IFNGR1: variants seen among roughly 807,000 people sequenced by gnomAD.
The protein encoded by IFNGR1 is interferon gamma receptor 1.
Under a neutral mutation model 35.4 loss-of-function variants are expected in IFNGR1, and 23 were observed. The observed-to-expected ratio is 0.65, with a 90% confidence interval of 0.47 to 0.92. The LOEUF (loss-of-function observed/expected upper bound fraction) is 0.92, where lower values mean the gene tolerates loss of function less well. Among genes scored for constraint, IFNGR1 ranks in the 40% least tolerant of loss-of-function variants. The probability of loss-of-function intolerance (pLI) is 0.00; values close to 1 mark genes in which losing one functional copy is unlikely to be tolerated. For synonymous variants in IFNGR1, 199 were observed against 209.5 expected, an observed-to-expected ratio of 0.95 and a Z score of 0.43; for missense variants, 533 against 583.4, an observed-to-expected ratio of 0.91 and a Z score of 0.89.
At chr6:137,202,801 TTTG>T (rs1236900008) in intron 5 of IFNGR1, among the ~76,000 whole-genome samples, 1 of 152,144 alleles carries the variant, frequency 6.6e-6, no homozygotes, top group Non-Finnish European at 1.5e-5. Context: ...TACAGATTAT[TTTG>T]TTTTCTTCTG....
chr6:137,197,843 A>T lies in IFNGR1; in HGVS notation c.*188T>A. 1.6e-6 allele frequency: 1 copy of T among 635,182 alleles called. No individual in the cohort carries two copies. Among genetic ancestry groups the T allele is most frequent in the Non-Finnish European group, 2.6e-6 (1 of 382,770 alleles). 39.3% of individuals were successfully genotyped at this position (635,182 alleles called of 1,614,324 possible). A position where few individuals can be genotyped will look rare whatever the true frequency, so the allele number is the denominator to read the frequency against. ...CTTTTTTTGTTTAAAAAAAAAAAAA[A>T]GTCTGTACTTTACAAGCCAAAAGTG... On this transcript the variant is annotated 3_prime_UTR_variant, in exon 7 of 7. Coordinates refer to ENST00000367739, the MANE Select transcript of IFNGR1 (RefSeq NM_000416.3).
Position 137,199,458 on chromosome 6 carries a change from CTTATA to C in IFNGR1, c.862-824_862-820del, listed in dbSNP as rs1235338060. Among the ~76,000 whole-genome samples the C allele has an allele frequency of 4.3e-3, 102 of 23,696 alleles. 4 individuals carry two copies. Among genetic ancestry groups the C allele is most frequent in the African/African-American group, 0.018 (89 of 4,952 alleles). The allele number at this position is 23,696 out of a possible 152,430, so 15.5% of individuals were successfully genotyped here. A position where few individuals can be genotyped will look rare whatever the true frequency, so the allele number is the denominator to read the frequency against. The stretch of plus-strand genomic sequence containing the variant: ...ATAATATAATATATAAAATATATAA[CTTATA>C]TTATATAAAATATATAATTTATAAT... On this transcript the variant is annotated intron_variant, in intron 6 of 6. Coordinates refer to ENST00000367739, the MANE Select transcript of IFNGR1 (RefSeq NM_000416.3).
chr6:137,199,332 A>T (rs1779182726), intron 6 of IFNGR1, among the ~76,000 whole-genome samples: 1 of 129,382 alleles, frequency 7.7e-6, no homozygotes, highest in Non-Finnish European at 1.6e-5. Flanking sequence ...ATAATTTATA[A>T]TATATAATAT....
rs1779421898 is a variant in IFNGR1, at chr6:137,206,142, G to A, written c.367C>T (p.Arg123Ter). ...YAKSEEFAVC[R>*]DGKIGPPKLD... ...GTGTACACATTCTACTCACCATCTC[G>A]GCATACAGCAAATTCTTCTGACTTT... The change falls in exon 3 of 7, where the codon CGA (arginine) becomes TGA (stop). Residue 123 changes from arginine (R) to a stop codon, truncating the protein, a stop_gained. Transcript: ENST00000367739. LOFTEE classifies it high-confidence loss of function. The A allele has an allele frequency of 1.9e-6, 3 of 1,613,042 alleles. No homozygotes were observed. Among genetic ancestry groups the A allele is most frequent in the Admixed American group, 1.7e-5 (1 of 59,982 alleles).
At chr6:137,210,443 C>T (rs1258327274) in intron 1 of IFNGR1, among the ~76,000 whole-genome samples, 1 of 152,130 alleles carries the variant, frequency 6.6e-6, no homozygotes, top group Non-Finnish European at 1.5e-5. Context: ...ACACAGTTAG[C>T]GATGTGACCC....
chr6:137,204,319 G>A lies in IFNGR1; in HGVS notation c.546+13C>T. ...CACAAGAATTTCCATTATGAAAAATGTGAAACACATACCTCACTTCCGTTC... is the reference window on the plus strand; with the variant it reads ...CACAAGAATTTCCATTATGAAAAATATGAAACACATACCTCACTTCCGTTC... On this transcript the variant is annotated intron_variant, in intron 4 of 6. Coordinates refer to ENST00000367739, the MANE Select transcript of IFNGR1 (RefSeq NM_000416.3). 5 of 1,609,836 alleles carry A rather than the reference G, an allele frequency of 3.1e-6. No homozygotes were observed. The highest frequency in any genetic ancestry group is 4.3e-6 in the Non-Finnish European group (5 of 1,176,168).
chr6:137,207,487 T>C (rs1779466267), intron 1 of IFNGR1, among the ~76,000 whole-genome samples: 2 of 152,186 alleles, frequency 1.3e-5, no homozygotes, highest in Admixed American at 1.3e-4. Context: ...CACCCAAATC[T>C]CAACTTGAAC....
At chr6:137,200,555 C>T (rs1562283900) in intron 6 of IFNGR1, among the ~76,000 whole-genome samples, 1 of 152,168 alleles carries the variant, frequency 6.6e-6, no homozygotes, top group Non-Finnish European at 1.5e-5. Flanking sequence ...CAAAGCTGGA[C>T]AAAGTCCTCA....
chr6:137,201,034 T>G, intron 5 of IFNGR1, 26 bp from the exon 6 acceptor site: 1 of 1,610,456 alleles, frequency 6.2e-7, no homozygotes, highest in Non-Finnish European at 8.5e-7. Flanking sequence ...AATCACAAGT[T>G]ACAATTAAGA....
intron 1 of IFNGR1, among the ~76,000 whole-genome samples, chr6:137,217,815 T>C (rs1363780910): frequency 1.3e-5 from 2 of 152,212 alleles, no homozygotes; most frequent in Admixed American, 6.5e-5. Context: ...CCACCTAACC[T>C]ATCTCCTCCC....
rs549430886 is a variant in IFNGR1, at chr6:137,211,702, G to A, written c.86-4625C>T. Reference sequence around the variant, plus strand: ...ATGGCCATTCATAGCAGGGGATACTGAGGCTTCCTTAAGAGGGTCTTTTTT... The same window carrying A: ...ATGGCCATTCATAGCAGGGGATACTAAGGCTTCCTTAAGAGGGTCTTTTTT... On this transcript the variant is annotated intron_variant, in intron 1 of 6. Coordinates refer to ENST00000367739, the MANE Select transcript of IFNGR1 (RefSeq NM_000416.3). 1.4e-4 allele frequency among the ~76,000 whole-genome samples: 21 copies of A among 152,280 alleles called. 1 individual carries two copies. The highest frequency in any genetic ancestry group is 2.6e-4 in the Non-Finnish European group (18 of 68,004).
intron 1 of IFNGR1, among the ~76,000 whole-genome samples, chr6:137,208,652 G>A (rs914372741): frequency 2.6e-5 from 4 of 152,246 alleles, no homozygotes; most frequent in Admixed American, 1.3e-4. Flanking sequence ...GTCAAGAATT[G>A]AGATTTGGGA....
At chr6:137,200,408 G>C (rs994682368) in intron 6 of IFNGR1, among the ~76,000 whole-genome samples, 1 of 152,134 alleles carries the variant, frequency 6.6e-6, no homozygotes. Flanking sequence ...AAGTGTTTCT[G>C]TATTTGCAGA....
chr6:137,207,167 A>C, intron 1 of IFNGR1, 90 bp from the exon 2 acceptor site: 1 of 1,509,238 alleles, frequency 6.6e-7, no homozygotes, highest in Non-Finnish European at 9.0e-7. Flanking sequence ...CATTGCCCAG[A>C]TATGTATATT....
At chr6:137,210,644 T>C (rs1251432907) in intron 1 of IFNGR1, among the ~76,000 whole-genome samples, 1 of 152,194 alleles carries the variant, frequency 6.6e-6, no homozygotes, top group African/African-American at 2.4e-5. Flanking sequence ...TGGATGATAA[T>C]GATGATGATT....
At chr6:137,215,695 CACACACACACACACAA>C (rs1379980868) in intron 1 of IFNGR1, among the ~76,000 whole-genome samples, 1 of 150,822 alleles carries the variant, frequency 6.6e-6, no homozygotes, top group Non-Finnish European at 1.5e-5. Context: ...CATACACAAA[CACACACACACACACAA>C]ACACACACAC....
intron 1 of IFNGR1, chr6:137,218,414 A>C (rs1779758766): frequency 9.5e-7 from 1 of 1,049,724 alleles, no homozygotes; most frequent in Non-Finnish European, 1.3e-6. Context: ...GTGGAAATAA[A>C]ATGCTCCGAA....
At chr6:137,207,826 A>G (rs1034846780) in intron 1 of IFNGR1, among the ~76,000 whole-genome samples, 2 of 152,168 alleles carry the variant, frequency 1.3e-5, no homozygotes, top group Non-Finnish European at 2.9e-5. Context: ...GTACCAGCAG[A>G]GTGGGGCATT....
intron 1 of IFNGR1, chr6:137,215,298 A>C: frequency 6.5e-7 from 1 of 1,549,106 alleles, no homozygotes; most frequent in Non-Finnish European, 8.7e-7. Flanking sequence ...GGAGAAGACT[A>C]TTTTCTGGTG....
Sources: gnomAD v4.1 joint callset for allele counts (sites outside exome capture counted in the v4.1 genomes callset) on GRCh38, gnomAD v4.1.1 for gene constraint, MANE v1.5 for transcripts, NCBI Gene and HGNC (gene_info 2026-07-23, HGNC 2026-07-21) for gene names.